The following NUBPL variants were observed in gnomAD, a reference collection of about 807,000 sequenced individuals.
NUBPL encodes the protein iron-sulfur cluster transfer protein NUBPL.
Under a neutral mutation model 45.7 loss-of-function variants are expected in NUBPL, and 31 were observed. The observed-to-expected ratio is 0.68, with a 90% CI of 0.51 to 0.92. NUBPL has a LOEUF of 0.92. Among genes scored for constraint, NUBPL ranks in the 40% least tolerant of loss-of-function variants. The pLI, the probability that NUBPL is intolerant of heterozygous loss-of-function variation, is 0.00. For missense variants in NUBPL, 401 were observed against 398.7 expected, an observed-to-expected ratio of 1.01 and a Z score of -0.05; for synonymous variants, 144 against 140.9, an observed-to-expected ratio of 1.02 and a Z score of -0.15.
At chr14:31,830,855 A>G (rs1200012916) in intron 8 of NUBPL, among the ~76,000 whole-genome samples, 2 of 152,136 alleles carry the variant, frequency 1.3e-5, no homozygotes, top group African/African-American at 2.4e-5. Context: ...TGCCACAGCC[A>G]AACTGGTCTT....
At chr14:31,648,606 CCT>C (rs1293151479) in intron 4 of NUBPL, among the ~76,000 whole-genome samples, 2 of 152,054 alleles carry the variant, frequency 1.3e-5, no homozygotes, top group African/African-American at 4.8e-5. Flanking sequence ...GATAATCTGC[CCT>C]GTTAGCTTTG....
intron 6 of NUBPL, among the ~76,000 whole-genome samples, chr14:31,748,598 G>A (rs1256035017): frequency 6.6e-6 from 1 of 150,468 alleles, no homozygotes; most frequent in Non-Finnish European, 1.5e-5. Context: ...TATAAGTATA[G>A]TTCTTCCTGC....
At chr14:31,791,342 A>T (rs1224885285) in intron 7 of NUBPL, among the ~76,000 whole-genome samples, 3 of 152,180 alleles carry the variant, frequency 2.0e-5, no homozygotes, top group Non-Finnish European at 4.4e-5. Context: ...TTTATTAATA[A>T]ACCATTATAT....
intron 4 of NUBPL, among the ~76,000 whole-genome samples, chr14:31,608,013 A>T (rs1007589846): frequency 1.3e-5 from 2 of 152,252 alleles, no homozygotes; most frequent in African/African-American, 2.4e-5. Flanking sequence ...AATAAATGAC[A>T]TACAATGGAG....
intron 7 of NUBPL, among the ~76,000 whole-genome samples, chr14:31,806,842 A>G (rs75701926): frequency 3.6e-4 from 55 of 152,232 alleles, no homozygotes; most frequent in African/African-American, 1.2e-3. Flanking sequence ...TCATTGTTCA[A>G]TTCCCACCTA....
chr14:31,798,589 G>A (rs1042089889), intron 7 of NUBPL, among the ~76,000 whole-genome samples: 5 of 151,064 alleles, frequency 3.3e-5, no homozygotes, highest in African/African-American at 9.7e-5. Context: ...TCGGGAGAAC[G>A]AGACCATCCT....
chr14:31,759,646 C>G (rs1169066472), intron 6 of NUBPL, among the ~76,000 whole-genome samples: 1 of 151,442 alleles, frequency 6.6e-6, no homozygotes, highest in African/African-American at 2.4e-5. Flanking sequence ...TTCAACTTTA[C>G]CATGGTGTGA....
intron 6 of NUBPL, among the ~76,000 whole-genome samples, chr14:31,785,048 T>G (rs989500981): frequency 6.6e-6 from 1 of 152,130 alleles, no homozygotes; most frequent in African/African-American, 2.4e-5. Context: ...TATTCAGGAG[T>G]CTGACCACCC....
chr14:31,666,667 T>A (rs7142149), intron 4 of NUBPL, among the ~76,000 whole-genome samples: 1 of 151,934 alleles, frequency 6.6e-6, no homozygotes, highest in Non-Finnish European at 1.5e-5. Flanking sequence ...TATATTTTGG[T>A]ATGTTTTTGC....
intron 6 of NUBPL, among the ~76,000 whole-genome samples, chr14:31,728,019 CA>C (rs2037964357): frequency 6.6e-6 from 1 of 151,948 alleles, no homozygotes; most frequent in Non-Finnish European, 1.5e-5. Context: ...ATTATAAAAT[CA>C]AAAAATTTTA....
chr14:31,800,484 G>A (rs2039566259), intron 7 of NUBPL, among the ~76,000 whole-genome samples: 1 of 152,122 alleles, frequency 6.6e-6, no homozygotes, highest in Non-Finnish European at 1.5e-5. Flanking sequence ...AATATTGCAA[G>A]AATTACCAAA....
At chr14:31,697,330 G>T (rs2037235418) in intron 6 of NUBPL, among the ~76,000 whole-genome samples, 1 of 152,194 alleles carries the variant, frequency 6.6e-6, no homozygotes, top group African/African-American at 2.4e-5. Flanking sequence ...GAAATATATT[G>T]ATCAAAGGGG....
chr14:31,702,445 A>T (rs2037361327), intron 6 of NUBPL, among the ~76,000 whole-genome samples: 1 of 152,232 alleles, frequency 6.6e-6, no homozygotes, highest in African/African-American at 2.4e-5. Context: ...AAGGCCCATG[A>T]GCAGAGACCT....
intron 7 of NUBPL, among the ~76,000 whole-genome samples, chr14:31,809,557 C>T (rs1297953737): frequency 6.6e-6 from 1 of 152,002 alleles, no homozygotes; most frequent in East Asian, 1.9e-4. Context: ...TTGATCTTTT[C>T]AAAAAACCAG....
At chr14:31,709,358 C>G (rs1265517489) in intron 6 of NUBPL, among the ~76,000 whole-genome samples, 1 of 152,196 alleles carries the variant, frequency 6.6e-6, no homozygotes, top group Non-Finnish European at 1.5e-5. Flanking sequence ...CCTAATTCTC[C>G]TTAGTCCTTC....
intron 7 of NUBPL, among the ~76,000 whole-genome samples, chr14:31,810,346 G>C (rs1412779867): frequency 1.3e-5 from 2 of 152,124 alleles, no homozygotes; most frequent in Non-Finnish European, 2.9e-5. Flanking sequence ...TCTTCTTGTT[G>C]AATTGTTCCC....
intron 4 of NUBPL, among the ~76,000 whole-genome samples, chr14:31,645,834 C>T (rs1258951292): frequency 1.5e-5 from 2 of 133,902 alleles, no homozygotes; most frequent in Non-Finnish European, 3.1e-5. Context: ...TTACCTGTCT[C>T]TTAACAGGTT....
At chr14:31,827,320 C>G (rs1458508184) in intron 8 of NUBPL, among the ~76,000 whole-genome samples, 1 of 150,020 alleles carries the variant, frequency 6.7e-6, no homozygotes, top group East Asian at 2.0e-4. Flanking sequence ...AAAAATAGTA[C>G]CATTATAAAA....
chr14:31,639,086 C>T (rs953524687), intron 4 of NUBPL, among the ~76,000 whole-genome samples: 3 of 152,176 alleles, frequency 2.0e-5, no homozygotes, highest in Non-Finnish European at 2.9e-5. Context: ...TCTCTCAGCT[C>T]GTCAAAGTCA....
Sources: allele counts gnomAD v4.1 joint callset (sites outside exome capture counted in the v4.1 genomes callset), GRCh38; gene constraint gnomAD v4.1.1; transcripts MANE v1.5; gene names NCBI Gene and HGNC (gene_info 2026-07-23, HGNC 2026-07-21).